The following NFKB2 variants were observed in gnomAD, a reference collection of about 807,000 sequenced individuals.
NFKB2 encodes nuclear factor kappa B subunit 2.
A neutral mutation model predicts 109.3 loss-of-function variants in NFKB2; 21 were observed. The ratio of observed to expected loss-of-function variants is 0.19; its 90% confidence interval spans 0.14 to 0.28. NFKB2 has a LOEUF of 0.28. Among genes scored for constraint, NFKB2 ranks in the 10% least tolerant of loss-of-function variants. NFKB2 has a pLI of 1.00. For synonymous variants in NFKB2, 478 were observed against 489.9 expected (o/e 0.98, Z 0.32); for missense variants, 806 against 1,185.3 (o/e 0.68, Z 4.70).
At chr10:102,399,921 C>A in intron 14 of NFKB2, 159 bp from the exon 15 acceptor site, 1 of 1,056,896 alleles carries the variant, frequency 9.5e-7, no homozygotes, top group Non-Finnish European at 1.4e-6. Context: ...TTACCTACCT[C>A]AAAAGGTGCT....
Position 102,402,234 on chromosome 10 carries a change from G to A in NFKB2, c.2579-18G>A, listed in dbSNP as rs978179732. ...CTGAGGCTTTGACTATCCCATTCCT[G>A]TCCCCATTTACCCCCAGCAGAGGTG... On this transcript the variant is annotated intron_variant, in intron 22 of 22. Transcript: ENST00000661543. 6.4e-7 allele frequency: 1 copy of A among 1,551,288 alleles called. No homozygotes were observed. The highest frequency in any genetic ancestry group is 8.7e-7 in the Non-Finnish European group (1 of 1,147,218).
rs1589858807 is a variant in NFKB2 at position 102,396,568 on chromosome 10, A to G, written c.144+79A>G. On this transcript the variant is annotated intron_variant, in intron 4 of 22. Coordinates refer to ENST00000661543, the MANE Select transcript of NFKB2 (RefSeq NM_001322934.2). The surrounding 1 kb of genome is among the most constrained non-coding windows in gnomAD (Gnocchi z 5.9). ...GGTAGTGGTAGCTGGCTGGCCATGGAGGAGCCATTGCCGAAGGAGGCCACA... is the reference window on the plus strand; with the variant it reads ...GGTAGTGGTAGCTGGCTGGCCATGGGGGAGCCATTGCCGAAGGAGGCCACA... 1 of 1,602,882 alleles carries G rather than the reference A, an allele frequency of 6.2e-7. No individual in the cohort carries two copies. Among genetic ancestry groups the G allele is most frequent in the Non-Finnish European group, 8.5e-7 (1 of 1,171,628 alleles).
Position 102,396,034 on chromosome 10 carries a change from C to A in NFKB2, c.21+54C>A. 6.2e-7 allele frequency: 1 copy of A among 1,608,252 alleles called. No homozygotes were observed. The highest frequency in any genetic ancestry group is 8.5e-7 in the Non-Finnish European group (1 of 1,178,002). ...GCCGGCTGCCCCTCGTGTCTGTCCA[C>A]CTGTCTGCCCGAGCCCCCTCTGCTG... On this transcript the variant is annotated intron_variant, in intron 2 of 22. Transcript: ENST00000661543. The surrounding 1 kb of genome is among the most constrained non-coding windows in gnomAD (Gnocchi z 5.9).
At position 102,400,030 on chromosome 10, in the gene NFKB2, C is replaced by T. The variant is rs770360533; in HGVS notation, c.1470-50C>T. On this transcript the variant is annotated intron_variant, in intron 14 of 22. Transcript: ENST00000661543. This position sits in a 1 kb window ranked among gnomAD's most constrained non-coding sequence, Gnocchi z 6.3. ...TATGAGGGCGGTGGGGCCTTGAAAG[C>T]GAAGGATGCTCTGAGTGGCTGGGCC... is the stretch of plus-strand genomic sequence containing the variant. 6.3e-6 allele frequency: 10 copies of T among 1,577,024 alleles called. No homozygotes were observed. The highest frequency in any genetic ancestry group is 3.3e-4 in the Middle Eastern group (2 of 6,020).
chr10:102,397,485 G>A lies in NFKB2; in HGVS notation c.503-42G>A, dbSNP rs1301622792. 2 of 1,608,824 alleles carry A rather than the reference G, an allele frequency of 1.2e-6. No individual in the cohort carries two copies. The highest frequency in any genetic ancestry group is 2.2e-5 in the East Asian group (1 of 44,784). ...TGGGAGGTGCTCATGGAAGGAGCAG[G>A]GAGGGAGAAGCCCAGGGGTCACACA... On this transcript the variant is annotated intron_variant, in intron 7 of 22. Transcript: ENST00000661543. The surrounding 1 kb of genome is among the most constrained non-coding windows in gnomAD (Gnocchi z 4.7).
chr10:102,401,740 C>T lies in NFKB2; in HGVS notation c.2294-5C>T. ...ATGACATGTCTGTATGTGTGTCCCC[C>T]TAAGGGCCGGGACTGTCACTTGGTG... On this transcript the variant is annotated splice_polypyrimidine_tract_variant and splice_region_variant and intron_variant, in intron 20 of 22. Transcript: ENST00000661543. This position sits in a 1 kb window ranked among gnomAD's most constrained non-coding sequence, Gnocchi z 4.2. 1.9e-6 allele frequency: 3 copies of T among 1,593,410 alleles called. No individual in the cohort carries two copies. Among genetic ancestry groups the T allele is most frequent in the Non-Finnish European group, 2.6e-6 (3 of 1,168,032 alleles).
chr10:102,399,062 C>T (rs1420800467), intron 12 of NFKB2, 198 bp downstream of exon 12: 10 of 731,386 alleles, frequency 1.4e-5, no homozygotes, highest in South Asian at 1.9e-5. Context: ...AAAATACAAA[C>T]ATTAGCTGGG....
At position 102,398,202 on chromosome 10, in the gene NFKB2, T is replaced by C; in HGVS notation, c.767-10T>C. The C allele has an allele frequency of 6.2e-7, 1 of 1,614,104 alleles. No homozygotes were observed. Among genetic ancestry groups the C allele is most frequent in the African/African-American group, 1.3e-5 (1 of 75,030 alleles). On this transcript the variant is annotated splice_polypyrimidine_tract_variant and intron_variant, in intron 9 of 22. Transcript: ENST00000661543. The surrounding 1 kb of genome is among the most constrained non-coding windows in gnomAD (Gnocchi z 6.6). ...CGGGAGCTGTGGCCAAGCTTCCGTTTTCCTTGTAGATGACATTGAGGTTCG... is the reference window on the plus strand; with the variant it reads ...CGGGAGCTGTGGCCAAGCTTCCGTTCTCCTTGTAGATGACATTGAGGTTCG...
rs1488705625 is a variant in NFKB2, at chr10:102,401,869, G to A, written c.2418G>A (p.Thr806=). ...ERLGLRSLVD[T]YRQTTSPSGS... is the part of the protein sequence containing the mutation. ...TGGGGCTGCGCAGCCTGGTAGACAC[G>A]TACCGACAGACAACCTCACCCAGTG... The change falls in exon 21 of 23, where the codon ACG becomes ACA. Residue 806 remains threonine, a synonymous_variant. Coordinates refer to ENST00000661543, the MANE Select transcript of NFKB2 (RefSeq NM_001322934.2). The surrounding 1 kb of genome is among the most constrained non-coding windows in gnomAD (Gnocchi z 4.2). 8.7e-6 allele frequency: 14 copies of A among 1,613,682 alleles called. No homozygotes were observed. The highest frequency in any genetic ancestry group is 1.1e-5 in the Non-Finnish European group (13 of 1,179,918).
Position 102,399,463 on chromosome 10 carries a change from G to A in NFKB2, c.1293G>A (p.Gln431=), listed in dbSNP as rs866800704. 6.6e-7 allele frequency: 1 copy of A among 1,504,852 alleles called. No homozygotes were observed. The allele number at this position is 1,504,852 out of a possible 1,614,324, so 93.2% of individuals were successfully genotyped here. Residue 431 remains glutamine, a synonymous_variant, in exon 13 of 23, where the codon CAG becomes CAA. Transcript: ENST00000661543. ...CAAGCGCCCCCTCCAGGACCCCCCA[G>A]TGCGAGCCGCAGGCCCCGGAGATGC... ...AEPSAPSRTP[Q]CEPQAPEMLQ...
intron 14 of NFKB2, 99 bp downstream of exon 14, chr10:102,399,817 A>C (rs2135436429): frequency 7.1e-7 from 1 of 1,416,836 alleles, no homozygotes; most frequent in South Asian, 1.5e-5. Context: ...GCCAGGCTTC[A>C]AGTCCGGCCT....
chr10:102,398,855 G>A lies in NFKB2; in HGVS notation c.1108G>A (p.Ala370Thr). Reference protein sequence around the residue: ...SGGAAGGYGGAGGGGSLGFFP... With the variant: ...SGGAAGGYGGTGGGGSLGFFP... Reference sequence around the variant, plus strand: ...GGGTGCAGCCGGGGGCTACGGAGGAGCTGGAGGAGGTGAGGGGGTACTGAT... The same window carrying A: ...GGGTGCAGCCGGGGGCTACGGAGGAACTGGAGGAGGTGAGGGGGTACTGAT... The change falls in exon 12 of 23, where the codon GCT (alanine) becomes ACT (threonine). Residue 370 changes from alanine to threonine, a missense_variant. By Grantham distance (58) the Ala-to-Thr change is moderately conservative. Coordinates refer to ENST00000661543, the MANE Select transcript of NFKB2 (RefSeq NM_001322934.2). The surrounding 1 kb of genome is among the most constrained non-coding windows in gnomAD (Gnocchi z 6.6). 7 of 1,595,040 alleles carry A rather than the reference G, an allele frequency of 4.4e-6. No homozygotes were observed. The highest frequency in any genetic ancestry group is 6.0e-6 in the Non-Finnish European group (7 of 1,171,470).
chr10:102,401,009 A>G lies in NFKB2; in HGVS notation c.2031A>G (p.Gly677=). The change falls in exon 18 of 23, where the codon GGA becomes GGG. Residue 677 remains glycine (G), a synonymous_variant. Transcript: ENST00000661543. The surrounding 1 kb of genome is among the most constrained non-coding windows in gnomAD (Gnocchi z 4.2). ...ACACACCCCTGCACCTGGCAGCTGG[A>G]CTGGGGTACCCGACCCTCACCCGCC... is the stretch of plus-strand genomic sequence containing the variant. ...AGNTPLHLAA[G]LGYPTLTRLL... is the part of the protein sequence containing the mutation. 1.2e-6 allele frequency: 2 copies of G among 1,614,016 alleles called. No homozygotes were observed. The highest frequency in any genetic ancestry group is 1.7e-6 in the Non-Finnish European group (2 of 1,179,964).
In NFKB2 at chr10:102,399,298, C is replaced by A; in HGVS notation, c.1128C>A (p.Leu376=). 6.3e-7 allele frequency: 1 copy of A among 1,597,780 alleles called. No individual in the cohort carries two copies. The highest frequency in any genetic ancestry group is 2.3e-5 in the East Asian group (1 of 44,102). The change falls in exon 13 of 23, where the codon CTC becomes CTA. Residue 376 remains leucine (L), a synonymous_variant. Transcript: ENST00000661543. Reference sequence around the variant, plus strand: ...TGCCTGTATCCACAGGTGGCAGCCTCGGTTTCTTCCCCTCCTCCCTGGCCT... The same window carrying A: ...TGCCTGTATCCACAGGTGGCAGCCTAGGTTTCTTCCCCTCCTCCCTGGCCT... ...GYGGAGGGGS[L]GFFPSSLAYS...
upstream of NFKB2, chr10:102,395,633 G>C (rs556584645): frequency 2.1e-6 from 1 of 479,110 alleles, no homozygotes; most frequent in African/African-American, 1.9e-5. Context: ...GGGGCCAGTG[G>C]CGTCATTTCC....
In NFKB2 at chr10:102,401,366, G is replaced by A; in HGVS notation, c.2223+35G>A. 6.2e-7 allele frequency: 1 copy of A among 1,610,176 alleles called. No homozygotes were observed. The highest frequency in any genetic ancestry group is 8.5e-7 in the Non-Finnish European group (1 of 1,177,464). ...GCCCGGGACTAGAAGTGCTCTGAGT[G>A]ACGGGGTCCAGAGTATCTGGACTTA... On this transcript the variant is annotated intron_variant, in intron 19 of 22. Coordinates refer to ENST00000661543, the MANE Select transcript of NFKB2 (RefSeq NM_001322934.2). This position sits in a 1 kb window ranked among gnomAD's most constrained non-coding sequence, Gnocchi z 4.2.
chr10:102,401,599 G>C lies in NFKB2; in HGVS notation c.2293+81G>C. 2.6e-6 allele frequency: 4 copies of C among 1,540,080 alleles called. No individual in the cohort carries two copies. In the South Asian group the frequency reaches 3.4e-5, roughly 13 times the overall value. The stretch of plus-strand genomic sequence containing the variant: ...TTCTCCTTCAGGACCTCTGAAGGAG[G>C]CCTCCCTTTCTCTACCCTCAGCCCC... On this transcript the variant is annotated intron_variant, in intron 20 of 22. Transcript: ENST00000661543. This position sits in a 1 kb window ranked among gnomAD's most constrained non-coding sequence, Gnocchi z 4.2.
rs2061110103 is a variant in NFKB2 at position 102,396,254 on chromosome 10, G to C, written c.23G>C (p.Gly8Ala). Residue 8 changes from glycine to alanine, a missense_variant and splice_region_variant, in exon 3 of 23, where the codon GGT becomes GCT. Gly to Ala is a moderately conservative substitution (Grantham distance 60). Transcript: ENST00000661543. The surrounding 1 kb of genome is among the most constrained non-coding windows in gnomAD (Gnocchi z 5.9). ...ACCCCCAGTCTGTCTCCAAACCAGGGTCTGGATGGTATTATTGAATATGAT... is the reference window on the plus strand; with the variant it reads ...ACCCCCAGTCTGTCTCCAAACCAGGCTCTGGATGGTATTATTGAATATGAT... MESCYNP[G>A]LDGIIEYDDF... The C allele has an allele frequency of 6.2e-7, 1 of 1,605,648 alleles. No homozygotes were observed. The highest frequency in any genetic ancestry group is 1.7e-5 in the Admixed American group (1 of 59,838).
Position 102,398,566 on chromosome 10 carries a change from G to C in NFKB2, c.991+43G>C. 6 of 1,609,894 alleles carry C rather than the reference G, an allele frequency of 3.7e-6. No individual in the cohort carries two copies. Among genetic ancestry groups the C allele is most frequent in the Non-Finnish European group, 5.1e-6 (6 of 1,177,302 alleles). On this transcript the variant is annotated intron_variant, in intron 11 of 22. Coordinates refer to ENST00000661543, the MANE Select transcript of NFKB2 (RefSeq NM_001322934.2). This position sits in a 1 kb window ranked among gnomAD's most constrained non-coding sequence, Gnocchi z 6.6. Reference sequence around the variant, plus strand: ...ACCTCAGGGTGCTGGCGGGGGGCCAGGCTGGGCTAGAAGAAGGTCCCAAGA... The same window carrying C: ...ACCTCAGGGTGCTGGCGGGGGGCCACGCTGGGCTAGAAGAAGGTCCCAAGA...
Sources: gnomAD v4.1 joint callset for allele counts on GRCh38, gnomAD v4.1.1 for gene constraint, Gnocchi (gnomAD v3.1) non-coding constraint, MANE v1.5 for transcripts, NCBI Gene and HGNC (gene_info 2026-07-23, HGNC 2026-07-21) for gene names.